NMU: variants seen among roughly 807,000 people sequenced by gnomAD.
The protein encoded by NMU is neuromedin U.
A neutral mutation model predicts 35.4 loss-of-function variants in NMU; 29 were observed. That is an observed-to-expected ratio of 0.82 (90% CI 0.61 to 1.12). The LOEUF is 1.12. Ranked by LOEUF, NMU falls within the 50% of genes most tolerant of loss-of-function variation. The pLI is 0.00. For missense variants in NMU, 199 were observed against 206.2 expected (o/e 0.97, Z 0.21); for synonymous variants, 78 against 81.3 (o/e 0.96, Z 0.22).
Position 55,599,305 on chromosome 4 carries a change from CA to C in NMU, c.490-125del, listed in dbSNP as rs558972989. The C allele has an allele frequency of 9.6e-4, 731 of 760,778 alleles. 6 individuals carry two copies. In the African/African-American group the frequency reaches 0.011, roughly 12 times the overall value. 47.1% of individuals were successfully genotyped at this position (760,778 alleles called of 1,614,324 possible). On this transcript the variant is annotated intron_variant, in intron 8 of 9. Coordinates refer to ENST00000264218, the MANE Select transcript of NMU (RefSeq NM_006681.4). ...TCACAATCATCTAGAGGGCTTTTTACAACATAGACTGCTGGACCCCATAGCC... is the reference window on the plus strand; with the variant it reads ...TCACAATCATCTAGAGGGCTTTTTACACATAGACTGCTGGACCCCATAGCC...
In NMU at chr4:55,618,730, C is replaced by T. The variant is rs529897802; in HGVS notation, c.172-2345G>A. Among the ~76,000 whole-genome samples, 199 of 115,854 alleles carry T rather than the reference C, an allele frequency of 1.7e-3. 2 individuals are homozygous for T. Among genetic ancestry groups the T allele is most frequent in the Middle Eastern group, 0.016 (4 of 248 alleles). 76.0% of individuals were successfully genotyped at this position (115,854 alleles called of 152,430 possible). On this transcript the variant is annotated intron_variant, in intron 2 of 9. Transcript: ENST00000264218. ...TCTTTTTCTTTCTTCTCTCTTTCTT[C>T]TTTCTTTCTTTTTCTTCTCTTTCTT...
intron 1 of NMU, among the ~76,000 whole-genome samples, chr4:55,630,701 ACATCT>A (rs1734719956): frequency 6.6e-6 from 1 of 152,196 alleles, no homozygotes; most frequent in African/African-American, 2.4e-5. Flanking sequence ...AAATAGAAAC[ACATCT>A]CATGCTCATG....
chr4:55,635,869 C>G (rs971059059), intron 1 of NMU, among the ~76,000 whole-genome samples: 1 of 152,242 alleles, frequency 6.6e-6, no homozygotes, highest in African/African-American at 2.4e-5. Context: ...CTGGGTATTT[C>G]GGCCCTGGCC....
At chr4:55,612,487 T>G (rs1733972071) in intron 3 of NMU, among the ~76,000 whole-genome samples, 2 of 152,162 alleles carry the variant, frequency 1.3e-5, no homozygotes, top group South Asian at 4.1e-4. Context: ...TGATGTCATG[T>G]GTCAAAAATG....
chr4:55,597,665 C>T lies in NMU; in HGVS notation c.*4+1477G>A, dbSNP rs969041112. Among the ~76,000 whole-genome samples, 9 of 152,146 alleles carry T rather than the reference C, an allele frequency of 5.9e-5. No individual in the cohort carries two copies. In the East Asian group the frequency reaches 9.6e-4, roughly 16 times the overall value. ...ACAGGCGTGAGCCACCGTGCCCAGC[C>T]GCGGGTATAGTTTCTAGATAACATA... is the stretch of plus-strand genomic sequence containing the variant. On this transcript the variant is annotated intron_variant, in intron 9 of 9. Coordinates refer to ENST00000264218, the MANE Select transcript of NMU (RefSeq NM_006681.4).
intron 2 of NMU, among the ~76,000 whole-genome samples, chr4:55,628,208 C>G (rs1271319436): frequency 6.6e-6 from 1 of 152,206 alleles, no homozygotes; most frequent in African/African-American, 2.4e-5. Context: ...CCATACAATT[C>G]ACCCATTTAA....
At chr4:55,607,597 A>G (rs1368844418) in intron 4 of NMU, 131 bp from the exon 5 acceptor site, 1 of 348,762 alleles carries the variant, frequency 2.9e-6, no homozygotes, top group Non-Finnish European at 5.3e-6. Context: ...AAAATACAAG[A>G]CTGAAATTAG....
At chr4:55,597,376 T>C (rs1290324785) in intron 9 of NMU, among the ~76,000 whole-genome samples, 1 of 151,688 alleles carries the variant, frequency 6.6e-6, no homozygotes, top group Non-Finnish European at 1.5e-5. Context: ...TAGTTTTGAG[T>C]GGGCATAGTT....
At chr4:55,599,241 A>C in intron 8 of NMU, 60 bp from the exon 9 acceptor site, 1 of 1,320,548 alleles carries the variant, frequency 7.6e-7, no homozygotes, top group Non-Finnish European at 1.1e-6. Flanking sequence ...TAACAGTCAT[A>C]GAAACAGATT....
At chr4:55,610,320 G>C (rs924444682) in intron 3 of NMU, among the ~76,000 whole-genome samples, 1 of 151,932 alleles carries the variant, frequency 6.6e-6, no homozygotes, top group African/African-American at 2.4e-5. Flanking sequence ...AAAATTAGCC[G>C]GGCATGTTAG....
intron 1 of NMU, among the ~76,000 whole-genome samples, chr4:55,630,716 G>A (rs1384275508): frequency 6.6e-6 from 1 of 152,086 alleles, no homozygotes; most frequent in Admixed American, 6.5e-5. Flanking sequence ...TCATGCTCAT[G>A]AATTGGAAGA....
Position 55,595,307 on chromosome 4 carries a change from G to C in NMU, c.*109C>G, listed in dbSNP as rs1353309776. The C allele has an allele frequency of 6.6e-6, 1 of 152,158 alleles. No homozygotes were observed. Among genetic ancestry groups the C allele is most frequent in the East Asian group, 1.9e-4 (1 of 5,174 alleles). The allele number at this position is 152,158 out of a possible 1,614,324, so 9.4% of individuals were successfully genotyped here. A position where few individuals can be genotyped will look rare whatever the true frequency, so the allele number is the denominator to read the frequency against. On this transcript the variant is annotated 3_prime_UTR_variant, in exon 10 of 10. Transcript: ENST00000264218. The stretch of plus-strand genomic sequence containing the variant: ...CAACTGAGAACATTGACAACACAGG[G>C]ATTTTCAACAGAGTACATTTAGCAA...
Position 55,636,140 on chromosome 4 carries a change from G to A in NMU, c.53C>T (p.Ala18Val), listed in dbSNP as rs3828555. Residue 18 changes from alanine to valine, a missense_variant, in exon 1 of 10, where the codon GCG (alanine) becomes GTG (valine). Coordinates refer to ENST00000264218, the MANE Select transcript of NMU (RefSeq NM_006681.4). This position sits in a 1 kb window ranked among gnomAD's most constrained non-coding sequence, Gnocchi z 4.0. Reference sequence around the variant, plus strand: ...CAGCAGCAGCAGGAGCGGGGACGCCGCGGCCACCTGTCCGGCGGGCGACCT... The same window carrying A: ...CAGCAGCAGCAGGAGCGGGGACGCCACGGCCACCTGTCCGGCGGGCGACCT... ...RPRSPAGQVA[A>V]ASPLLLLLLL... is the part of the protein sequence containing the mutation. 1.3e-6 allele frequency: 2 copies of A among 1,521,908 alleles called. No homozygotes were observed. The highest frequency in any genetic ancestry group is 5.0e-5 in the East Asian group (2 of 39,842). 94.3% of individuals were successfully genotyped at this position (1,521,908 alleles called of 1,614,324 possible).
intron 3 of NMU, among the ~76,000 whole-genome samples, chr4:55,612,478 G>A (rs768075543): frequency 1.3e-5 from 2 of 152,126 alleles, no homozygotes; most frequent in African/African-American, 4.8e-5. Flanking sequence ...AATACCCAGT[G>A]ATGTCATGTG....
intron 7 of NMU, among the ~76,000 whole-genome samples, chr4:55,604,027 A>ATAT (rs1733567304): frequency 6.9e-5 from 2 of 29,000 alleles, no homozygotes; most frequent in African/African-American, 1.0e-4. Context: ...GTATATATAT[A>ATAT]ATCCTAGAAA....
chr4:55,600,424 CTT>C (rs2110181336), intron 8 of NMU, 96 bp downstream of exon 8: 1 of 838,012 alleles, frequency 1.2e-6, no homozygotes, highest in Admixed American at 2.0e-5. Context: ...CATCTATAAA[CTT>C]TAAAACTTAA....
At chr4:55,605,144 A>T in intron 7 of NMU, 131 bp downstream of exon 7, 1 of 747,788 alleles carries the variant, frequency 1.3e-6, no homozygotes, top group Non-Finnish European at 2.5e-6. Context: ...ATGCTCTTAC[A>T]TTGGCTAACT....
intron 3 of NMU, among the ~76,000 whole-genome samples, chr4:55,611,126 C>T (rs1002575066): frequency 4.6e-5 from 7 of 152,022 alleles, no homozygotes; most frequent in African/African-American, 1.7e-4. Flanking sequence ...CTTTGGGAGG[C>T]CAAGGTGGAA....
chr4:55,603,488 GA>G (rs1222204812), intron 7 of NMU, among the ~76,000 whole-genome samples: 2 of 151,994 alleles, frequency 1.3e-5, no homozygotes, highest in African/African-American at 4.8e-5. Flanking sequence ...CAACTATTCT[GA>G]CTTGCTTTCC....
Sources: allele counts gnomAD v4.1 joint callset (sites outside exome capture counted in the v4.1 genomes callset), GRCh38; gene constraint gnomAD v4.1.1; non-coding constraint Gnocchi (gnomAD v3.1); transcripts MANE v1.5; gene names NCBI Gene and HGNC (gene_info 2026-07-23, HGNC 2026-07-21).